ELMO1: variants seen among roughly 807,000 people sequenced by gnomAD.
ELMO1 encodes engulfment and cell motility 1.
Under a neutral mutation model 98.9 loss-of-function variants are expected in ELMO1, and 26 were observed. The ratio of observed to expected loss-of-function variants is 0.26; its 90% CI spans 0.19 to 0.36. The LOEUF (loss-of-function observed/expected upper bound fraction) is 0.36, where lower values mean the gene tolerates loss of function less well. Ranked by LOEUF, ELMO1 falls within the 10% of genes least tolerant of loss-of-function variation. The pLI is 1.00. For missense variants in ELMO1, 627 were observed against 935.2 expected (o/e 0.67, Z 4.30); for synonymous variants, 346 against 346.0 (o/e 1.00, Z 0.00).
chr7:37,245,237 G>A (rs376476268), intron 6 of ELMO1, among the ~76,000 whole-genome samples: 7 of 152,100 alleles, frequency 4.6e-5, no homozygotes, highest in Non-Finnish European at 5.9e-5. Flanking sequence ...TGCCTGCATC[G>A]CAGGCCACAG....
At chr7:37,086,408 T>C (rs1783780263) in intron 15 of ELMO1, among the ~76,000 whole-genome samples, 1 of 151,210 alleles carries the variant, frequency 6.6e-6, no homozygotes, top group Admixed American at 6.6e-5. Context: ...ATAAAACATA[T>C]GTGGCAAAAT....
chr7:36,928,846 G>C (rs1039539199), intron 16 of ELMO1, among the ~76,000 whole-genome samples: 2 of 152,206 alleles, frequency 1.3e-5, no homozygotes, highest in African/African-American at 4.8e-5. Context: ...TGAAAGGTGA[G>C]AATGTACTAA....
rs184005703 is a variant in ELMO1 at position 36,948,367 on chromosome 7, G to A, written c.1438-53350C>T. 1.6e-3 allele frequency among the ~76,000 whole-genome samples: 241 copies of A among 152,296 alleles called. 1 individual carries two copies. The highest frequency in any genetic ancestry group is 6.8e-3 in the Middle Eastern group (2 of 294). On this transcript the variant is annotated intron_variant, in intron 16 of 21. Transcript: ENST00000310758. ...CTTCAACCAAAGTCCGGAGTAAGGA[G>A]AAGATTTCACATTGAGTTAGAATGT...
At chr7:37,053,104 TA>T (rs974952368) in intron 15 of ELMO1, among the ~76,000 whole-genome samples, 2 of 152,138 alleles carry the variant, frequency 1.3e-5, no homozygotes, top group African/African-American at 4.8e-5. Context: ...AAAACACATT[TA>T]AAAAAGTCTT....
intron 14 of ELMO1, among the ~76,000 whole-genome samples, chr7:37,127,489 C>T (rs1488450592): frequency 6.6e-6 from 1 of 152,094 alleles, no homozygotes; most frequent in African/African-American, 2.4e-5. Context: ...TTTGACAGAC[C>T]AAACTCTCTG....
chr7:37,048,320 T>C (rs1048347678), intron 15 of ELMO1, among the ~76,000 whole-genome samples: 16 of 152,228 alleles, frequency 1.1e-4, no homozygotes, highest in African/African-American at 3.9e-4. Flanking sequence ...AAATCTAGCA[T>C]AAAAATCTAT....
intron 16 of ELMO1, among the ~76,000 whole-genome samples, chr7:36,902,162 T>A (rs1194687790): frequency 1.3e-5 from 2 of 152,244 alleles, no homozygotes; most frequent in Non-Finnish European, 2.9e-5. Flanking sequence ...GTGTGCAACC[T>A]CTGGCTCCTC....
At chr7:37,278,566 A>AG (rs1286445014) in intron 4 of ELMO1, among the ~76,000 whole-genome samples, 1 of 152,202 alleles carries the variant, frequency 6.6e-6, no homozygotes, top group African/African-American at 2.4e-5. Flanking sequence ...TTGAAGGAAC[A>AG]AATTCTACCT....
chr7:37,103,001 T>C (rs137967992), intron 14 of ELMO1, among the ~76,000 whole-genome samples: 45 of 152,316 alleles, frequency 3.0e-4, no homozygotes, highest in African/African-American at 1.1e-3. Flanking sequence ...ACTTTGTACA[T>C]ATCCCTTAAC....
At chr7:37,166,499 A>G (rs1563050187) in intron 13 of ELMO1, among the ~76,000 whole-genome samples, 1 of 151,756 alleles carries the variant, frequency 6.6e-6, no homozygotes, top group African/African-American at 2.4e-5. Flanking sequence ...CCCTCTAAAC[A>G]CTGCTTTGAA....
chr7:37,309,638 G>A (rs1041523919), intron 4 of ELMO1, among the ~76,000 whole-genome samples: 1 of 152,210 alleles, frequency 6.6e-6, no homozygotes, highest in African/African-American at 2.4e-5. Context: ...GCGTGAGTTT[G>A]CTCACATTAA....
intron 16 of ELMO1, among the ~76,000 whole-genome samples, chr7:36,944,172 C>G (rs186181834): frequency 1.3e-5 from 2 of 152,252 alleles, no homozygotes; most frequent in African/African-American, 4.8e-5. Flanking sequence ...AACATAAGGA[C>G]ATGAACATAG....
At chr7:36,942,333 C>T (rs1004010160) in intron 16 of ELMO1, among the ~76,000 whole-genome samples, 2 of 152,208 alleles carry the variant, frequency 1.3e-5, no homozygotes, top group African/African-American at 4.8e-5. Context: ...CGCAGCTGCA[C>T]ATTACTTACT....
intron 14 of ELMO1, among the ~76,000 whole-genome samples, chr7:37,108,949 A>G (rs1288543678): frequency 6.6e-6 from 1 of 152,182 alleles, no homozygotes; most frequent in Non-Finnish European, 1.5e-5. Flanking sequence ...ATCTTAAGTG[A>G]GTCATCCCTG....
intron 16 of ELMO1, chr7:36,919,340 A>C (rs558954791): frequency 2.6e-5 from 14 of 528,936 alleles, no homozygotes; most frequent in South Asian, 2.0e-4. Context: ...ATGCTGGCTG[A>C]AGACTTTGGG....
At chr7:37,223,776 G>T (rs949311709) in intron 9 of ELMO1, among the ~76,000 whole-genome samples, 11 of 152,146 alleles carry the variant, frequency 7.2e-5, no homozygotes, top group Admixed American at 2.6e-4. Context: ...ACAATCCTCA[G>T]CTTCTGTGAC....
At chr7:37,284,263 T>C (rs563391549) in intron 4 of ELMO1, among the ~76,000 whole-genome samples, 2 of 152,226 alleles carry the variant, frequency 1.3e-5, no homozygotes, top group African/African-American at 4.8e-5. Flanking sequence ...ATAGGTCAGT[T>C]CTCTCCCCTC....
chr7:37,326,904 T>C (rs535963421), intron 2 of ELMO1, among the ~76,000 whole-genome samples: 5 of 152,350 alleles, frequency 3.3e-5, no homozygotes, highest in Non-Finnish European at 5.9e-5. Context: ...ATGACAGAAC[T>C]ATAGAGATGA....
chr7:37,139,988 T>C (rs1477213188), intron 13 of ELMO1, among the ~76,000 whole-genome samples: 1 of 152,060 alleles, frequency 6.6e-6, no homozygotes, highest in Admixed American at 6.6e-5. Flanking sequence ...ATTCAACAAA[T>C]GGTGTTGGGA....
Sources: gnomAD v4.1 joint callset for allele counts (sites outside exome capture counted in the v4.1 genomes callset) on GRCh38, gnomAD v4.1.1 for gene constraint, MANE v1.5 for transcripts, NCBI Gene and HGNC (gene_info 2026-07-23, HGNC 2026-07-21) for gene names.